PTDSS1: variants seen among roughly 807,000 people sequenced by gnomAD.
PTDSS1 encodes phosphatidylserine synthase 1.
PTDSS1 carries 45 observed loss-of-function variants against 70.5 expected under a neutral mutation model. The ratio of observed to expected loss-of-function variants is 0.64; its 90% CI spans 0.50 to 0.82. The LOEUF is 0.82. Among genes scored for constraint, PTDSS1 ranks in the 40% least tolerant of loss-of-function variants. The pLI is 0.00. For synonymous variants in PTDSS1, 188 were observed against 203.8 expected (o/e 0.92, Z 0.66); for missense variants, 417 against 586.1 (o/e 0.71, Z 2.98).
chr8:96,329,659 A>G (rs1456199785), intron 10 of PTDSS1, among the ~76,000 whole-genome samples: 1 of 152,134 alleles, frequency 6.6e-6, no homozygotes, highest in Non-Finnish European at 1.5e-5. Context: ...CATATAACCA[A>G]GAAAAACAAA....
At chr8:96,276,414 G>A (rs1246356329) in intron 2 of PTDSS1, among the ~76,000 whole-genome samples, 1 of 152,154 alleles carries the variant, frequency 6.6e-6, no homozygotes, top group Non-Finnish European at 1.5e-5. Context: ...GTGGGACTGT[G>A]CTTTTGTTTT....
intron 7 of PTDSS1, among the ~76,000 whole-genome samples, 180 bp from the exon 8 acceptor site, chr8:96,306,264 C>T (rs1233332188): frequency 1.3e-5 from 2 of 152,200 alleles, no homozygotes; most frequent in African/African-American, 4.8e-5. Context: ...CAGTTGCTCC[C>T]TGCCCATAAT....
chr8:96,306,689 A>C (rs1811129414), intron 8 of PTDSS1, 133 bp downstream of exon 8: 1 of 706,692 alleles, frequency 1.4e-6, no homozygotes, highest in Non-Finnish European at 2.4e-6. Context: ...GTACATCCAG[A>C]ATATGACGAA....
At chr8:96,280,264 G>A (rs975980248) in intron 2 of PTDSS1, among the ~76,000 whole-genome samples, 5 of 152,156 alleles carry the variant, frequency 3.3e-5, no homozygotes, top group Non-Finnish European at 5.9e-5. Flanking sequence ...GCTGACACCT[G>A]TAATCTCAGC....
chr8:96,301,445 A>C (rs1811049199), intron 6 of PTDSS1, among the ~76,000 whole-genome samples: 1 of 151,962 alleles, frequency 6.6e-6, no homozygotes. Flanking sequence ...TTAAACATCA[A>C]AAATACTGTT....
chr8:96,309,705 C>G, intron 9 of PTDSS1, 83 bp downstream of exon 9: 1 of 1,339,904 alleles, frequency 7.5e-7, no homozygotes, highest in Non-Finnish European at 1.1e-6. Context: ...GTGTTAAGAG[C>G]CTTTCAGTAT....
At chr8:96,312,740 C>T (rs1290937964) in intron 9 of PTDSS1, among the ~76,000 whole-genome samples, 1 of 152,096 alleles carries the variant, frequency 6.6e-6, no homozygotes, top group African/African-American at 2.4e-5. Flanking sequence ...TGTGCGTGAA[C>T]AGCCGTGAGA....
At chr8:96,314,539 A>G (rs912674659) in intron 9 of PTDSS1, among the ~76,000 whole-genome samples, 6 of 152,000 alleles carry the variant, frequency 3.9e-5, no homozygotes, top group African/African-American at 1.4e-4. Flanking sequence ...TCCTCCCTTT[A>G]TCTTGCCACA....
Position 96,279,692 on chromosome 8 carries a change from G to A in PTDSS1, c.272-4417G>A, listed in dbSNP as rs149103903. 5.9e-5 allele frequency among the ~76,000 whole-genome samples: 9 copies of A among 152,140 alleles called. 1 individual carries two copies. The highest frequency in any genetic ancestry group is 2.2e-4 in the African/African-American group (9 of 41,510). On this transcript the variant is annotated intron_variant, in intron 2 of 12. Transcript: ENST00000517309. ...AAATTAGCCAGGTGGGGTGGCACATGCCTGTAATCCCAGCTACTCAGGAGG... is the reference window on the plus strand; with the variant it reads ...AAATTAGCCAGGTGGGGTGGCACATACCTGTAATCCCAGCTACTCAGGAGG...
At chr8:96,332,181 T>C (rs1811527358) in intron 12 of PTDSS1, among the ~76,000 whole-genome samples, 1 of 152,108 alleles carries the variant, frequency 6.6e-6, no homozygotes, top group Non-Finnish European at 1.5e-5. Flanking sequence ...AAGGATCACT[T>C]TGGGAATATT....
chr8:96,291,719 G>C (rs936859275), intron 4 of PTDSS1, among the ~76,000 whole-genome samples: 37 of 152,100 alleles, frequency 2.4e-4, no homozygotes, highest in Admixed American at 3.9e-4. Context: ...AGCTGCATTT[G>C]CAGTATCATC....
At chr8:96,317,830 A>G (rs1478961932) in intron 9 of PTDSS1, among the ~76,000 whole-genome samples, 1 of 151,210 alleles carries the variant, frequency 6.6e-6, no homozygotes, top group Non-Finnish European at 1.5e-5. Flanking sequence ...AACAGAATAG[A>G]AAAATATCAG....
intron 4 of PTDSS1, among the ~76,000 whole-genome samples, chr8:96,292,289 C>CAAA (rs34282078): frequency 0.014 from 1,228 of 87,548 alleles, 35 homozygotes; most frequent in African/African-American, 0.035. Context: ...AACGCTGTCT[C>CAAA]AAAAAAAAAA....
intron 7 of PTDSS1, among the ~76,000 whole-genome samples, chr8:96,305,651 C>T (rs549361457): frequency 2.6e-5 from 4 of 152,262 alleles, no homozygotes; most frequent in South Asian, 4.2e-4. Flanking sequence ...ACGAGTCCAT[C>T]GTCATCTCTC....
At chr8:96,303,997 G>A (rs567600136) in intron 6 of PTDSS1, 43 bp from the exon 7 acceptor site, 1 of 1,564,766 alleles carries the variant, frequency 6.4e-7, no homozygotes, top group Non-Finnish European at 8.7e-7. Flanking sequence ...TTTTCCCCCT[G>A]CCTTATCTCT....
chr8:96,303,117 A>G (rs1811073839), intron 6 of PTDSS1, among the ~76,000 whole-genome samples: 1 of 152,236 alleles, frequency 6.6e-6, no homozygotes, highest in Non-Finnish European at 1.5e-5. Flanking sequence ...ATTCTTGATC[A>G]CGCTGCATCT....
chr8:96,278,084 A>G (rs1188179392), intron 2 of PTDSS1, among the ~76,000 whole-genome samples: 1 of 152,226 alleles, frequency 6.6e-6, no homozygotes, highest in Non-Finnish European at 1.5e-5. Context: ...CAGCTCCTGC[A>G]GTGCCAGCCA....
At chr8:96,318,651 G>A (rs1439536845) in intron 9 of PTDSS1, among the ~76,000 whole-genome samples, 2 of 152,190 alleles carry the variant, frequency 1.3e-5, no homozygotes, top group African/African-American at 4.8e-5. Flanking sequence ...TTGTGGAGCA[G>A]TGCTTTAAAG....
At chr8:96,279,818 C>CAAATAAATAAATAAAT (rs10615614) in intron 2 of PTDSS1, among the ~76,000 whole-genome samples, 91 of 148,602 alleles carry the variant, frequency 6.1e-4, no homozygotes, top group African/African-American at 2.2e-3. Context: ...TACTCCATCT[C>CAAATAAATAAATAAAT]AAATAAATAA....
Sources: gnomAD v4.1 joint callset for allele counts (sites outside exome capture counted in the v4.1 genomes callset) on GRCh38, gnomAD v4.1.1 for gene constraint, MANE v1.5 for transcripts, NCBI Gene and HGNC (gene_info 2026-07-23, HGNC 2026-07-21) for gene names.